The following PPFIA2 variants were observed in gnomAD, a reference collection of about 807,000 sequenced individuals.
PPFIA2 encodes liprin-alpha-2.
In PPFIA2, 46 loss-of-function variants were observed where a neutral mutation model predicts 175.5. That is an observed-to-expected ratio of 0.26 (90% CI 0.21 to 0.34). The LOEUF (loss-of-function observed/expected upper bound fraction) is 0.34, where lower values mean the gene tolerates loss of function less well. Among genes scored for constraint, PPFIA2 ranks in the 10% least tolerant of loss-of-function variants. PPFIA2 has a pLI of 1.00. For missense variants in PPFIA2, 1,179 were observed against 1,506.1 expected (o/e 0.78, Z 3.60); for synonymous variants, 568 against 511.4 (o/e 1.11, Z -1.49).
intron 3 of PPFIA2, among the ~76,000 whole-genome samples, chr12:81,713,819 A>G (rs917972095): frequency 1.3e-5 from 2 of 151,338 alleles, no homozygotes; most frequent in African/African-American, 4.8e-5. Context: ...CATTGAGAAA[A>G]TAGTGGAGAA....
chr12:81,421,334 C>G (rs750823153), intron 7 of PPFIA2, among the ~76,000 whole-genome samples: 3 of 151,826 alleles, frequency 2.0e-5, no homozygotes, highest in Non-Finnish European at 4.4e-5. Flanking sequence ...GTTAGAGATA[C>G]AAAATTGTTA....
intron 4 of PPFIA2, among the ~76,000 whole-genome samples, chr12:81,524,745 AT>A (rs2063546336): frequency 6.6e-6 from 1 of 152,212 alleles, no homozygotes; most frequent in African/African-American, 2.4e-5. Context: ...TGAGAAGGAC[AT>A]GCCTTTTTGG....
chr12:81,386,990 C>T (rs1289547566), intron 8 of PPFIA2, among the ~76,000 whole-genome samples: 3 of 151,982 alleles, frequency 2.0e-5, no homozygotes, highest in Non-Finnish European at 4.4e-5. Flanking sequence ...GCACACATGC[C>T]CATTCCTCAA....
intron 4 of PPFIA2, among the ~76,000 whole-genome samples, chr12:81,537,769 GC>G (rs1433941629): frequency 6.6e-6 from 1 of 151,738 alleles, no homozygotes; most frequent in Admixed American, 6.6e-5. Flanking sequence ...TGCCTGGCCT[GC>G]CCCATGTCTG....
chr12:81,367,883 G>A (rs1410500587), intron 13 of PPFIA2, among the ~76,000 whole-genome samples: 1 of 151,642 alleles, frequency 6.6e-6, no homozygotes, highest in Non-Finnish European at 1.5e-5. Context: ...TAAACTAAGA[G>A]TGTAGTAATT....
chr12:81,496,838 G>A (rs2060079113), intron 4 of PPFIA2, among the ~76,000 whole-genome samples: 1 of 152,144 alleles, frequency 6.6e-6, no homozygotes, highest in Admixed American at 6.6e-5. Context: ...TGCTAAAAAT[G>A]GGAGCCAACT....
intron 3 of PPFIA2, among the ~76,000 whole-genome samples, chr12:81,686,797 T>C (rs2074482748): frequency 1.3e-5 from 2 of 152,134 alleles, no homozygotes; most frequent in Admixed American, 1.3e-4. Context: ...TGTAAATATC[T>C]GCTTAGTTGA....
intron 19 of PPFIA2, among the ~76,000 whole-genome samples, chr12:81,343,485 C>A (rs2058505235): frequency 6.6e-6 from 1 of 151,946 alleles, no homozygotes; most frequent in South Asian, 2.1e-4. Context: ...GTAATTCCAT[C>A]TATTCAAGCC....
chr12:81,357,657 C>G (rs554061696), intron 16 of PPFIA2, among the ~76,000 whole-genome samples: 8 of 152,236 alleles, frequency 5.3e-5, no homozygotes, highest in African/African-American at 1.7e-4. Context: ...TGCCATTGCT[C>G]AAGTGCCCAA....
intron 4 of PPFIA2, among the ~76,000 whole-genome samples, chr12:81,664,626 T>C (rs1031072334): frequency 6.6e-6 from 1 of 152,120 alleles, no homozygotes; most frequent in Admixed American, 6.5e-5. Flanking sequence ...GAAGTCACTG[T>C]GGCGATTCCT....
chr12:81,638,581 A>G (rs1302297809), intron 4 of PPFIA2, among the ~76,000 whole-genome samples: 1 of 151,718 alleles, frequency 6.6e-6, no homozygotes, highest in Admixed American at 6.6e-5. Context: ...TGATCGCTTT[A>G]TAAATTTGGG....
chr12:81,383,026 C>T (rs1002168014), intron 9 of PPFIA2, among the ~76,000 whole-genome samples: 8 of 152,006 alleles, frequency 5.3e-5, no homozygotes, highest in African/African-American at 1.7e-4. Flanking sequence ...GTGAAGAAGT[C>T]CTCTGGAAAA....
intron 4 of PPFIA2, among the ~76,000 whole-genome samples, chr12:81,493,642 A>T (rs1489997063): frequency 6.6e-6 from 1 of 151,630 alleles, no homozygotes; most frequent in African/African-American, 2.4e-5. Context: ...ATGGGCATTC[A>T]AAACTTTTTG....
chr12:81,398,103 C>T (rs550731144), intron 8 of PPFIA2, among the ~76,000 whole-genome samples: 1 of 152,118 alleles, frequency 6.6e-6, no homozygotes, highest in East Asian at 1.9e-4. Flanking sequence ...CTTGAATCAT[C>T]CTGAAACCAT....
chr12:81,497,116 A>G (rs1447450573), intron 4 of PPFIA2, among the ~76,000 whole-genome samples: 1 of 152,234 alleles, frequency 6.6e-6, no homozygotes, highest in Non-Finnish European at 1.5e-5. Context: ...TTCTTCATGC[A>G]TATGAGCTGC....
chr12:81,727,052 C>T (rs1260259511), intron 3 of PPFIA2, among the ~76,000 whole-genome samples: 2 of 151,194 alleles, frequency 1.3e-5, no homozygotes, highest in Non-Finnish European at 3.0e-5. Flanking sequence ...TGTTGCAAAC[C>T]ACAGAGATTT....
intron 22 of PPFIA2, among the ~76,000 whole-genome samples, chr12:81,318,349 C>T (rs1269014787): frequency 6.6e-6 from 1 of 151,668 alleles, no homozygotes; most frequent in Non-Finnish European, 1.5e-5. Context: ...TATTGAAAAA[C>T]ATTAAATTAT....
intron 4 of PPFIA2, among the ~76,000 whole-genome samples, chr12:81,609,471 A>T (rs1027439325): frequency 1.3e-5 from 2 of 152,156 alleles, no homozygotes; most frequent in Non-Finnish European, 2.9e-5. Context: ...TTGGGTATGT[A>T]TACATTTAGA....
chr12:81,747,263 A>G (rs1395026651), intron 3 of PPFIA2, among the ~76,000 whole-genome samples: 2 of 144,360 alleles, frequency 1.4e-5, no homozygotes, highest in South Asian at 2.3e-4. Flanking sequence ...TAGGTTTCAC[A>G]AAAAACAAAG....
Sources: gnomAD v4.1 joint callset for allele counts (sites outside exome capture counted in the v4.1 genomes callset) on GRCh38, gnomAD v4.1.1 for gene constraint, MANE v1.5 for transcripts, NCBI Gene and HGNC (gene_info 2026-07-23, HGNC 2026-07-21) for gene names.